Variants in FRMD4A observed in about 807,000 individuals in gnomAD.
FRMD4A encodes the protein FERM domain containing 4A.
A neutral mutation model predicts 129.1 loss-of-function variants in FRMD4A; 29 were observed. The observed-to-expected ratio is 0.22, with a 90% CI of 0.17 to 0.31. The LOEUF (loss-of-function observed/expected upper bound fraction) is 0.31, where lower values mean the gene tolerates loss of function less well. Ranked by LOEUF, FRMD4A falls within the 10% of genes least tolerant of loss-of-function variation. The probability of loss-of-function intolerance (pLI) is 1.00; values close to 1 mark genes in which losing one functional copy is unlikely to be tolerated. For missense variants in FRMD4A, 1,272 were observed against 1,375.8 expected, an observed-to-expected ratio of 0.92 and a Z score of 1.19; for synonymous variants, 634 against 571.6, an observed-to-expected ratio of 1.11 and a Z score of -1.56.
At chr10:13,722,156 A>G (rs1324945292) in intron 12 of FRMD4A, among the ~76,000 whole-genome samples, 2 of 152,156 alleles carry the variant, frequency 1.3e-5, no homozygotes, top group Non-Finnish European at 1.5e-5. Flanking sequence ...CCCGTGCAGC[A>G]GAAACACCTG....
intron 2 of FRMD4A, among the ~76,000 whole-genome samples, chr10:14,160,978 G>C (rs1481798639): frequency 2.6e-5 from 4 of 152,098 alleles, no homozygotes; most frequent in Non-Finnish European, 5.9e-5. Flanking sequence ...CTTGAGACGG[G>C]AGTTTCACTC....
At chr10:14,318,632 A>T (rs1846846994) in intron 2 of FRMD4A, among the ~76,000 whole-genome samples, 2 of 145,676 alleles carry the variant, frequency 1.4e-5, no homozygotes, top group Admixed American at 6.8e-5. Context: ...AAAAAAAATG[A>T]CTCCTTCAGA....
chr10:14,061,416 C>T (rs555620203), intron 2 of FRMD4A, among the ~76,000 whole-genome samples: 14 of 152,064 alleles, frequency 9.2e-5, no homozygotes, highest in African/African-American at 2.2e-4. Context: ...CCAGTCTGAG[C>T]GACAGAGTGA....
intron 5 of FRMD4A, among the ~76,000 whole-genome samples, chr10:13,786,206 C>T (rs964445192): frequency 2.0e-5 from 3 of 152,220 alleles, no homozygotes; most frequent in East Asian, 1.9e-4. Context: ...CACTGTCTTC[C>T]ACAATGGTTG....
At chr10:13,892,139 G>A (rs189492298) in intron 2 of FRMD4A, among the ~76,000 whole-genome samples, 158 of 151,776 alleles carry the variant, frequency 1.0e-3, no homozygotes, top group African/African-American at 3.5e-3. Flanking sequence ...GTGAGGCTGC[G>A]CGCGTCCAAA....
intron 14 of FRMD4A, among the ~76,000 whole-genome samples, chr10:13,696,077 C>T (rs1032902960): frequency 6.6e-6 from 1 of 152,226 alleles, no homozygotes; most frequent in Non-Finnish European, 1.5e-5. Flanking sequence ...TCGACTTATG[C>T]TTCCTTGCTA....
intron 2 of FRMD4A, among the ~76,000 whole-genome samples, chr10:14,284,860 C>G (rs549471156): frequency 2.2e-4 from 34 of 152,210 alleles, no homozygotes; most frequent in African/African-American, 7.7e-4. Context: ...CTTCAAGGTC[C>G]CACTCAAATG....
intron 2 of FRMD4A, among the ~76,000 whole-genome samples, chr10:13,883,051 G>A (rs1007580092): frequency 3.3e-5 from 5 of 151,904 alleles, no homozygotes; most frequent in South Asian, 2.1e-4. Context: ...TGATCCTCTC[G>A]CCTCGGTCTC....
chr10:13,829,497 G>A (rs149796390), intron 3 of FRMD4A, among the ~76,000 whole-genome samples: 3 of 152,110 alleles, frequency 2.0e-5, no homozygotes, highest in Non-Finnish European at 2.9e-5. Flanking sequence ...CTCAAAAAAA[G>A]GCAAAAAGCA....
At chr10:13,766,521 A>G (rs1245310905) in intron 6 of FRMD4A, among the ~76,000 whole-genome samples, 1 of 152,226 alleles carries the variant, frequency 6.6e-6, no homozygotes, top group East Asian at 1.9e-4. Context: ...TTTAACATGC[A>G]TTGAATTTAA....
At chr10:13,689,842 C>T (rs975001226) in intron 15 of FRMD4A, among the ~76,000 whole-genome samples, 16 of 151,960 alleles carry the variant, frequency 1.1e-4, no homozygotes, top group Admixed American at 2.0e-4. Context: ...CCTGAATAGG[C>T]GTGAGCCACT....
At chr10:13,718,347 C>A (rs943278039) in intron 12 of FRMD4A, among the ~76,000 whole-genome samples, 1 of 152,234 alleles carries the variant, frequency 6.6e-6, no homozygotes, top group Non-Finnish European at 1.5e-5. Context: ...GCAATTGTGG[C>A]GGCAGCCAGC....
chr10:14,245,276 C>T (rs1176538371), intron 2 of FRMD4A, among the ~76,000 whole-genome samples: 1 of 152,128 alleles, frequency 6.6e-6, no homozygotes, highest in Non-Finnish European at 1.5e-5. Context: ...CTTAGGTCTC[C>T]GGGTTCGTTG....
intron 2 of FRMD4A, among the ~76,000 whole-genome samples, chr10:14,045,637 TATA>T (rs1434866439): frequency 2.0e-5 from 3 of 147,618 alleles, no homozygotes; most frequent in Non-Finnish European, 4.5e-5. Context: ...ATACAATAAT[TATA>T]ATCACATTCT....
At chr10:14,002,146 C>T (rs55747324) in intron 2 of FRMD4A, among the ~76,000 whole-genome samples, 39,918 of 152,064 alleles carry the variant, frequency 0.26, 6,031 homozygotes, top group East Asian at 0.59. Context: ...CCAGAAATAT[C>T]CCACCATTTC....
Position 13,782,477 on chromosome 10 carries a change from G to A in FRMD4A, c.384+445C>T, listed in dbSNP as rs533330499. ...TTTTTTTTTTTGAGATGGAGTCTCC[G>A]CCTGTCACCAGGCTGGAGTGCAGTG... On this transcript the variant is annotated intron_variant, in intron 6 of 24. Transcript: ENST00000357447. Among the ~76,000 whole-genome samples, 17 of 146,412 alleles carry A rather than the reference G, an allele frequency of 1.2e-4. No homozygotes were observed. In the South Asian group the frequency reaches 1.5e-3, roughly 13 times the overall value.
intron 12 of FRMD4A, among the ~76,000 whole-genome samples, chr10:13,711,398 G>C (rs1016377627): frequency 1.3e-5 from 2 of 152,326 alleles, no homozygotes; most frequent in Non-Finnish European, 2.9e-5. Context: ...AGCTGGTTTC[G>C]GGGCAGCCCC....
intron 2 of FRMD4A, among the ~76,000 whole-genome samples, chr10:14,191,805 T>TTCTCTC (rs71388163): frequency 7.1e-6 from 1 of 140,846 alleles, no homozygotes; most frequent in African/African-American, 2.5e-5. Context: ...TTTTTTTTTT[T>TTCTCTC]TCTCTCTCTC....
At chr10:14,009,058 C>A (rs929624219) in intron 2 of FRMD4A, among the ~76,000 whole-genome samples, 1 of 152,136 alleles carries the variant, frequency 6.6e-6, no homozygotes, top group African/African-American at 2.4e-5. Flanking sequence ...AATTATGTTT[C>A]GTTTTACACG....
Sources: gnomAD v4.1 joint callset for allele counts (sites outside exome capture counted in the v4.1 genomes callset) on GRCh38, gnomAD v4.1.1 for gene constraint, MANE v1.5 for transcripts, NCBI Gene and HGNC (gene_info 2026-07-23, HGNC 2026-07-21) for gene names.